The following TWIST2 variants were observed in gnomAD, a reference collection of about 807,000 sequenced individuals.
TWIST2 encodes the protein twist-related protein 2.
In TWIST2, 1 loss-of-function variant was observed where a neutral mutation model predicts 11.6. The observed-to-expected ratio is 0.09, with a 90% confidence interval of 0.03 to 0.41. The LOEUF (loss-of-function observed/expected upper bound fraction) is 0.41, where lower values mean the gene tolerates loss of function less well. TWIST2 is among the 10% of genes least tolerant of loss of function. The pLI is 0.98. For synonymous variants in TWIST2, 87 were observed against 96.6 expected (o/e 0.90, Z 0.58); for missense variants, 168 against 226.4 (o/e 0.74, Z 1.66).
intron 1 of TWIST2, among the ~76,000 whole-genome samples, chr2:238,855,472 C>A (rs1343031199): frequency 6.6e-6 from 1 of 152,212 alleles, no homozygotes; most frequent in African/African-American, 2.4e-5. Context: ...TGCCCAGCCG[C>A]CTGGCTTTCC....
At chr2:238,894,939 C>T (rs988218644) in intron 1 of TWIST2, among the ~76,000 whole-genome samples, 1 of 152,204 alleles carries the variant, frequency 6.6e-6, no homozygotes, top group African/African-American at 2.4e-5. Flanking sequence ...CAGACCTGAA[C>T]GTACTTTTAT....
chr2:238,891,408 A>C (rs919364932), intron 1 of TWIST2, among the ~76,000 whole-genome samples: 16 of 152,158 alleles, frequency 1.1e-4, no homozygotes, highest in Non-Finnish European at 2.2e-4. Context: ...CTCAAAAGGA[A>C]CCTGGGGCTT....
chr2:238,858,638 G>A (rs1171898558), intron 1 of TWIST2, among the ~76,000 whole-genome samples: 1 of 152,138 alleles, frequency 6.6e-6, no homozygotes. Context: ...GGCAAGTCAT[G>A]GCCTCTCTGG....
chr2:238,879,924 G>A (rs1213958457), intron 1 of TWIST2, among the ~76,000 whole-genome samples: 1 of 152,226 alleles, frequency 6.6e-6, no homozygotes, highest in Non-Finnish European at 1.5e-5. Flanking sequence ...TGCTAAGACT[G>A]CCAGCTGGGG....
chr2:238,895,108 T>C (rs965951835), intron 1 of TWIST2, among the ~76,000 whole-genome samples: 1,625 of 152,346 alleles, frequency 0.011, 23 homozygotes, highest in African/African-American at 0.031. Context: ...CTGCTGTTGC[T>C]GCTGCTGCCA....
chr2:238,899,867 G>A (rs1693248766), intron 1 of TWIST2, among the ~76,000 whole-genome samples: 1 of 152,084 alleles, frequency 6.6e-6, no homozygotes, highest in South Asian at 2.1e-4. Flanking sequence ...AAGGATGCTG[G>A]GTATGGGTGG....
intron 1 of TWIST2, among the ~76,000 whole-genome samples, chr2:238,907,071 T>C (rs1693365384): frequency 6.6e-6 from 1 of 152,186 alleles, no homozygotes; most frequent in Non-Finnish European, 1.5e-5. Flanking sequence ...CGATCCCTGC[T>C]AGAGCTCAGG....
intron 1 of TWIST2, among the ~76,000 whole-genome samples, chr2:238,859,950 G>A (rs144077866): frequency 0.023 from 3,474 of 152,204 alleles, 65 homozygotes; most frequent in South Asian, 0.078. Flanking sequence ...AGGGATTCAC[G>A]CTAAGCCTCC....
chr2:238,906,530 A>G (rs1040103649), intron 1 of TWIST2, among the ~76,000 whole-genome samples: 1,782 of 152,228 alleles, frequency 0.012, 36 homozygotes, highest in African/African-American at 0.04. Context: ...GCACACTGGC[A>G]CACACACGGG....
chr2:238,906,407 C>T (rs992276767), intron 1 of TWIST2, among the ~76,000 whole-genome samples: 7 of 151,902 alleles, frequency 4.6e-5, no homozygotes, highest in Admixed American at 1.3e-4. Context: ...AGCACTTCCA[C>T]GGGAAAACAC....
At chr2:238,905,964 CGT>C (rs1221851359) in intron 1 of TWIST2, among the ~76,000 whole-genome samples, 70 of 115,446 alleles carry the variant, frequency 6.1e-4, no homozygotes, top group Middle Eastern at 4.6e-3. Context: ...TGTACGTGTG[CGT>C]GTGTGTGCGC....
intron 1 of TWIST2, among the ~76,000 whole-genome samples, chr2:238,897,204 C>T (rs1046012347): frequency 6.6e-6 from 1 of 151,936 alleles, no homozygotes; most frequent in Non-Finnish European, 1.5e-5. Context: ...TTCCTCCTGC[C>T]GCACTTCTCC....
At chr2:238,892,499 G>A (rs1693156435) in intron 1 of TWIST2, among the ~76,000 whole-genome samples, 1 of 150,980 alleles carries the variant, frequency 6.6e-6, no homozygotes, top group Non-Finnish European at 1.5e-5. Flanking sequence ...TGTTTTTTTT[G>A]AGATGGAATC....
At chr2:238,893,111 G>A (rs778636275) in intron 1 of TWIST2, among the ~76,000 whole-genome samples, 3 of 152,192 alleles carry the variant, frequency 2.0e-5, no homozygotes. Flanking sequence ...TGAGTTCCCA[G>A]GGATTTCTGG....
At chr2:238,898,839 CCTTT>C (rs1693237040) in intron 1 of TWIST2, among the ~76,000 whole-genome samples, 2 of 152,260 alleles carry the variant, frequency 1.3e-5, no homozygotes, top group Non-Finnish European at 2.9e-5. Flanking sequence ...CATCTTGTGG[CCTTT>C]CTGTCTGCCC....
chr2:238,848,320 C>T lies in TWIST2; in HGVS notation c.105C>T (p.Tyr35=). The change falls in exon 1 of 2, where the codon TAC becomes TAT. Residue 35 remains tyrosine (Y), a synonymous_variant. Transcript: ENST00000612363. ...QPKRFGRKRR[Y]SKKSSEDGSP... is the part of the protein sequence containing the mutation. ...AGCGCTTCGGCCGGAAGCGGCGCTA[C>T]AGCAAGAAGTCGAGCGAAGATGGCA... 1 of 1,534,508 alleles carries T rather than the reference C, an allele frequency of 6.5e-7. No homozygotes were observed. Among genetic ancestry groups the T allele is most frequent in the Non-Finnish European group, 8.7e-7 (1 of 1,146,016 alleles).
intron 1 of TWIST2, among the ~76,000 whole-genome samples, chr2:238,875,364 A>G (rs1297531408): frequency 2.0e-5 from 3 of 151,874 alleles, no homozygotes; most frequent in African/African-American, 4.8e-5. Flanking sequence ...GACTCCTCCA[A>G]CAGCACCACC....
chr2:238,904,594 C>T (rs1003031397), intron 1 of TWIST2, among the ~76,000 whole-genome samples: 15 of 152,130 alleles, frequency 9.9e-5, no homozygotes, highest in Middle Eastern at 6.8e-3. Flanking sequence ...CTTTGCCCTT[C>T]CCTTTCTGTG....
At chr2:238,858,242 C>T (rs1429538740) in intron 1 of TWIST2, among the ~76,000 whole-genome samples, 1 of 152,204 alleles carries the variant, frequency 6.6e-6, no homozygotes, top group East Asian at 1.9e-4. Context: ...TGGTTCATCA[C>T]AATGTGAAAC....
Sources: gnomAD v4.1 joint callset for allele counts (sites outside exome capture counted in the v4.1 genomes callset) on GRCh38, gnomAD v4.1.1 for gene constraint, MANE v1.5 for transcripts, NCBI Gene and HGNC (gene_info 2026-07-23, HGNC 2026-07-21) for gene names.